Variants in EBF1 observed in about 807,000 individuals in gnomAD.
The protein encoded by EBF1 is EBF transcription factor 1, also known as transcription factor COE1.
In EBF1, 10 loss-of-function variants were observed where a neutral mutation model predicts 68.4. The observed-to-expected ratio is 0.15, with a 90% confidence interval of 0.09 to 0.25. The LOEUF is 0.25. Ranked by LOEUF, EBF1 falls within the 10% of genes least tolerant of loss-of-function variation. The probability of loss-of-function intolerance (pLI) is 1.00; values close to 1 mark genes in which losing one functional copy is unlikely to be tolerated. For missense variants in EBF1, 509 were observed against 794.4 expected, an observed-to-expected ratio of 0.64 and a Z score of 4.32; for synonymous variants, 298 against 299.8, an observed-to-expected ratio of 0.99 and a Z score of 0.06.
chr5:158,799,889 G>A (rs1780283428), intron 8 of EBF1, among the ~76,000 whole-genome samples: 1 of 152,126 alleles, frequency 6.6e-6, no homozygotes, highest in South Asian at 2.1e-4. Context: ...AACGAATTCA[G>A]TATTTTTTTA....
At chr5:159,023,692 A>G (rs1224493411) in intron 6 of EBF1, among the ~76,000 whole-genome samples, 1 of 152,232 alleles carries the variant, frequency 6.6e-6, no homozygotes, top group Non-Finnish European at 1.5e-5. Flanking sequence ...AAATTCTAGC[A>G]GCTAGTTTTC....
chr5:158,798,804 A>G (rs569753296), intron 8 of EBF1, among the ~76,000 whole-genome samples: 1 of 152,266 alleles, frequency 6.6e-6, no homozygotes, highest in South Asian at 2.1e-4. Context: ...ATTTGACACC[A>G]TTGTCTTAGT....
chr5:158,723,937 C>T lies in EBF1; in HGVS notation c.1125+7132G>A, dbSNP rs374790360. ...TGCATGTTCATAACGCACACATGCA[C>T]GCACACACACACAGGAATTCTAAAT... On this transcript the variant is annotated intron_variant, in intron 11 of 15. Transcript: ENST00000313708. Among the ~76,000 whole-genome samples, 15 of 152,170 alleles carry T rather than the reference C, an allele frequency of 9.9e-5. No individual in the cohort carries two copies. In the South Asian group the frequency reaches 1.2e-3, roughly 13 times the overall value.
At chr5:158,930,303 T>C (rs928724866) in intron 6 of EBF1, among the ~76,000 whole-genome samples, 2 of 151,596 alleles carry the variant, frequency 1.3e-5, no homozygotes, top group African/African-American at 4.9e-5. Context: ...AAGTCTCCCA[T>C]GTTTAGTAAT....
intron 6 of EBF1, among the ~76,000 whole-genome samples, chr5:158,884,418 T>C (rs928844380): frequency 3.9e-5 from 6 of 152,226 alleles, no homozygotes; most frequent in African/African-American, 1.4e-4. Context: ...ATCTCACTTT[T>C]CTCATCTGTA....
At chr5:159,049,427 A>G (rs1773086295) in intron 6 of EBF1, among the ~76,000 whole-genome samples, 1 of 148,248 alleles carries the variant, frequency 6.7e-6, no homozygotes, top group Non-Finnish European at 1.5e-5. Flanking sequence ...TGGTGGAGGG[A>G]AAAAAAATCC....
chr5:159,022,918 TA>T (rs965290826), intron 6 of EBF1, among the ~76,000 whole-genome samples: 15 of 152,140 alleles, frequency 9.9e-5, no homozygotes, highest in Non-Finnish European at 1.9e-4. Flanking sequence ...ATTTGACTTT[TA>T]AAAAAATATT....
intron 6 of EBF1, among the ~76,000 whole-genome samples, chr5:159,038,256 C>T (rs1770481163): frequency 6.6e-6 from 1 of 152,110 alleles, no homozygotes; most frequent in Non-Finnish European, 1.5e-5. Context: ...GATAAAACAC[C>T]ATGGGAAACA....
chr5:158,727,820 G>A (rs923529046), intron 11 of EBF1, among the ~76,000 whole-genome samples: 2 of 152,110 alleles, frequency 1.3e-5, no homozygotes, highest in Middle Eastern at 3.2e-3. Context: ...AACAAAGCAC[G>A]TCCAAGTTTT....
intron 10 of EBF1, among the ~76,000 whole-genome samples, chr5:158,750,305 G>A (rs1433350437): frequency 2.6e-5 from 4 of 152,042 alleles, no homozygotes; most frequent in South Asian, 2.1e-4. Flanking sequence ...TCCTCTGTCC[G>A]ACATCCATTA....
At chr5:158,921,606 T>C (rs996281947) in intron 6 of EBF1, among the ~76,000 whole-genome samples, 3 of 152,218 alleles carry the variant, frequency 2.0e-5, no homozygotes, top group Admixed American at 2.0e-4. Context: ...GACTCGCAAA[T>C]TGCACTGGGC....
intron 6 of EBF1, among the ~76,000 whole-genome samples, chr5:159,036,557 G>A (rs1229100448): frequency 8.0e-6 from 1 of 125,070 alleles, no homozygotes; most frequent in East Asian, 2.2e-4. Flanking sequence ...AATGGGGAAA[G>A]GATTCCCTAT....
intron 6 of EBF1, among the ~76,000 whole-genome samples, chr5:159,015,221 T>C (rs548350400): frequency 2.0e-5 from 3 of 152,322 alleles, no homozygotes; most frequent in Admixed American, 2.0e-4. Flanking sequence ...TAATAGGATG[T>C]AACTTTAATA....
At chr5:158,816,984 C>T (rs114250385) in intron 8 of EBF1, among the ~76,000 whole-genome samples, 3 of 152,112 alleles carry the variant, frequency 2.0e-5, no homozygotes, top group African/African-American at 7.2e-5. Context: ...GGGCTTTCAC[C>T]GGATCTGAGG....
intron 7 of EBF1, among the ~76,000 whole-genome samples, chr5:158,832,355 T>C (rs1327392595): frequency 1.3e-5 from 2 of 152,270 alleles, no homozygotes; most frequent in African/African-American, 4.8e-5. Context: ...CAATAAGCCA[T>C]AATGGTTTAA....
intron 4 of EBF1, among the ~76,000 whole-genome samples, chr5:159,084,970 C>A (rs1251315407): frequency 6.6e-6 from 1 of 152,090 alleles, no homozygotes; most frequent in Non-Finnish European, 1.5e-5. Context: ...ATCTCTGGAT[C>A]AGAGTATGAG....
intron 6 of EBF1, among the ~76,000 whole-genome samples, chr5:159,019,508 G>A (rs1348393422): frequency 3.3e-5 from 5 of 152,214 alleles, no homozygotes; most frequent in Admixed American, 1.3e-4. Context: ...TAATTAGCAC[G>A]AGTGAGGGCT....
At chr5:158,818,817 C>A (rs1043864538) in intron 8 of EBF1, among the ~76,000 whole-genome samples, 35 of 152,066 alleles carry the variant, frequency 2.3e-4, no homozygotes, top group African/African-American at 7.7e-4. Flanking sequence ...ATAAGTAGGA[C>A]CCCAGGTCAG....
At position 158,840,085 on chromosome 5, in the gene EBF1, A is replaced by G; in HGVS notation, c.580T>C (p.Cys194Arg). The part of the protein sequence containing the change: ...DRFFLKFFLK[C>R]NQNCLKNAGN... ...GCATTCTTTAGGCAATTTTGGTTAC[A>G]TTTGAGGAAAAATTTCAAGAAGAAC... The change falls in exon 7 of 16, where the codon TGT (cysteine) becomes CGT (arginine). Residue 194 changes from cysteine to arginine, a missense_variant. By Grantham distance (180) the Cys-to-Arg change is radical. Around this residue, in one of 3 missense-constraint regions of EBF1, gnomAD observed 230 missense variants for 467.7 expected, o/e 0.49. Transcript: ENST00000313708. 6.2e-7 allele frequency: 1 copy of G among 1,614,042 alleles called. No homozygotes were observed. Among genetic ancestry groups the G allele is most frequent in the Non-Finnish European group, 8.5e-7 (1 of 1,179,910 alleles).
Sources: allele counts gnomAD v4.1 joint callset (sites outside exome capture counted in the v4.1 genomes callset), GRCh38; gene constraint gnomAD v4.1.1; regional missense constraint gnomAD v4.1.1; transcripts MANE v1.5; gene names NCBI Gene and HGNC (gene_info 2026-07-23, HGNC 2026-07-21).